Variants in UGGT1 observed in about 807,000 individuals in gnomAD.
UGGT1 encodes the protein UDP-glucose:glycoprotein glucosyltransferase 1.
UGGT1 carries 107 observed loss-of-function variants against 203.9 expected under a neutral mutation model. That is an observed-to-expected ratio of 0.52 (90% CI 0.45 to 0.62). The LOEUF (loss-of-function observed/expected upper bound fraction) is 0.62. Ranked by LOEUF, UGGT1 falls within the 20% of genes least tolerant of loss-of-function variation. The probability of loss-of-function intolerance (pLI) is 0.00; values close to 1 mark genes in which losing one functional copy is unlikely to be tolerated. For synonymous variants in UGGT1, 628 were observed against 653.5 expected (o/e 0.96, Z 0.59); for missense variants, 1,673 against 1,867.2 (o/e 0.90, Z 1.92).
At position 128,121,029 on chromosome 2, in the gene UGGT1, C is replaced by G. The variant is rs77385236; in HGVS notation, c.974-170C>G. Reference sequence around the variant, plus strand: ...CGGCTCAACTGAATACTCCAGAGATCTTTGAAGTGAATAAAACCTGAAATT... The same window carrying G: ...CGGCTCAACTGAATACTCCAGAGATGTTTGAAGTGAATAAAACCTGAAATT... On this transcript the variant is annotated intron_variant, in intron 9 of 40. Coordinates refer to ENST00000259253, the MANE Select transcript of UGGT1 (RefSeq NM_020120.4). Among the ~76,000 whole-genome samples, 513 of 152,294 alleles carry G rather than the reference C, an allele frequency of 3.4e-3. 10 individuals carry two copies. The East Asian group carries it at 0.075, about 22-fold the overall frequency.
intron 12 of UGGT1, 94 bp from the exon 13 acceptor site, chr2:128,128,935 A>C (rs1688744927): frequency 2.4e-6 from 3 of 1,240,414 alleles, no homozygotes; most frequent in Non-Finnish European, 3.3e-6. Flanking sequence ...TTGATTTGGC[A>C]TTGAGGTTGA....
intron 8 of UGGT1, among the ~76,000 whole-genome samples, chr2:128,118,284 G>A (rs971464258): frequency 1.3e-5 from 2 of 151,404 alleles, no homozygotes; most frequent in African/African-American, 2.4e-5. Flanking sequence ...AAATTTTTTC[G>A]AGACAGGGCT....
At chr2:128,129,620 A>G (rs1256331036) in intron 13 of UGGT1, among the ~76,000 whole-genome samples, 1 of 151,922 alleles carries the variant, frequency 6.6e-6, no homozygotes, top group Non-Finnish European at 1.5e-5. Flanking sequence ...GCTGGTCTCA[A>G]ACTCCTGACC....
intron 14 of UGGT1, 96 bp downstream of exon 14, chr2:128,133,356 A>G (rs1688975779): frequency 1.3e-6 from 2 of 1,486,540 alleles, no homozygotes; most frequent in Non-Finnish European, 1.8e-6. Context: ...CACCTTTACT[A>G]GCTGCTTCCT....
intron 14 of UGGT1, among the ~76,000 whole-genome samples, chr2:128,134,521 C>G (rs1351791576): frequency 6.6e-6 from 1 of 152,194 alleles, no homozygotes; most frequent in Non-Finnish European, 1.5e-5. Context: ...TAAGTGAATT[C>G]TTAATTCAGA....
In UGGT1 at chr2:128,190,982, GGCATACTTT is replaced by G. The variant is rs1485736247; in HGVS notation, c.*1243_*1251del. The G allele has an allele frequency of 1.3e-5, 2 of 152,240 alleles. No individual in the cohort carries two copies. The highest frequency in any genetic ancestry group is 2.9e-5 in the Non-Finnish European group (2 of 68,092). 9.4% of individuals were successfully genotyped at this position (152,240 alleles called of 1,614,324 possible). On this transcript the variant is annotated 3_prime_UTR_variant, in exon 41 of 41. Coordinates refer to ENST00000259253, the MANE Select transcript of UGGT1 (RefSeq NM_020120.4). ...TTCCACAGCCAGTGTTGCCCCTCAG[GGCATACTTT>G]GCTGGTGAACGGGCTGTAGAGTCTT...
chr2:128,111,366 C>T (rs1314588341), intron 5 of UGGT1, among the ~76,000 whole-genome samples: 1 of 151,986 alleles, frequency 6.6e-6, no homozygotes, highest in African/African-American at 2.4e-5. Flanking sequence ...AAAACAAAAA[C>T]AGAAACAAAA....
chr2:128,099,089 A>G (rs191243919), intron 2 of UGGT1, among the ~76,000 whole-genome samples: 19 of 152,332 alleles, frequency 1.2e-4, no homozygotes, highest in Admixed American at 1.2e-3. Context: ...GGACTGTCAC[A>G]TCACTCCAAT....
At chr2:128,131,023 A>G (rs920412016) in intron 13 of UGGT1, among the ~76,000 whole-genome samples, 1 of 151,424 alleles carries the variant, frequency 6.6e-6, no homozygotes, top group African/African-American at 2.4e-5. Context: ...ATTTGAGGTG[A>G]GGAGTTCGCG....
At chr2:128,173,748 A>G (rs1227036058) in intron 29 of UGGT1, 33 bp from the exon 30 acceptor site, 1 of 1,608,584 alleles carries the variant, frequency 6.2e-7, no homozygotes, top group South Asian at 1.1e-5. Flanking sequence ...GTTGTCTCTG[A>G]GTGCATTCAA....
chr2:128,186,350 T>A (rs1480618741), intron 38 of UGGT1, among the ~76,000 whole-genome samples: 1 of 152,214 alleles, frequency 6.6e-6, no homozygotes, highest in Admixed American at 6.5e-5. Flanking sequence ...CTCATGCCTA[T>A]AATCTCAGCA....
chr2:128,156,688 C>T (rs1690250488), intron 21 of UGGT1, among the ~76,000 whole-genome samples: 1 of 151,896 alleles, frequency 6.6e-6, no homozygotes, highest in Non-Finnish European at 1.5e-5. Flanking sequence ...CTGCCTCAGC[C>T]TTCCAAGTAG....
In UGGT1 at chr2:128,133,126, T is replaced by C. The variant is rs767724100; in HGVS notation, c.1378-15T>C. 6.2e-7 allele frequency: 1 copy of C among 1,613,564 alleles called. No homozygotes were observed. The highest frequency in any genetic ancestry group is 2.2e-5 in the East Asian group (1 of 44,856). ...TTCCTAATGTGCATGTATCCTGTTG[T>C]GTTATTTTTTGTAGTGGGTCAACAA... is the stretch of plus-strand genomic sequence containing the variant. On this transcript the variant is annotated splice_polypyrimidine_tract_variant and intron_variant, in intron 13 of 40. Coordinates refer to ENST00000259253, the MANE Select transcript of UGGT1 (RefSeq NM_020120.4).
chr2:128,137,450 C>G (rs1345917547), intron 15 of UGGT1, among the ~76,000 whole-genome samples: 1 of 152,208 alleles, frequency 6.6e-6, no homozygotes, highest in Non-Finnish European at 1.5e-5. Flanking sequence ...TTTTGTTTAC[C>G]TGTCCTTTAT....
intron 17 of UGGT1, among the ~76,000 whole-genome samples, chr2:128,144,079 A>G (rs947185805): frequency 2.6e-5 from 4 of 152,192 alleles, no homozygotes; most frequent in Non-Finnish European, 4.4e-5. Flanking sequence ...TGATAGGTAT[A>G]TATTTATATC....
Position 128,177,918 on chromosome 2 carries a change from A to T in UGGT1, c.3711A>T (p.Lys1237Asn). 2 of 1,596,994 alleles carry T rather than the reference A, an allele frequency of 1.3e-6. No homozygotes were observed. The highest frequency in any genetic ancestry group is 1.7e-6 in the Non-Finnish European group (2 of 1,172,394). ...ENESGFWDSF[K>N]WGFTGQKTEE... ...AATCTGGATTTTGGGATTCCTTCAA[A>T]TGGTAAGTTGACATTGTAAGAGTTA... The change falls in exon 33 of 41, where the codon AAA (lysine) becomes AAT (asparagine). Residue 1237 changes from lysine (K) to asparagine (N), a missense_variant and splice_region_variant. Coordinates refer to ENST00000259253, the MANE Select transcript of UGGT1 (RefSeq NM_020120.4).
intron 7 of UGGT1, 37 bp from the exon 8 acceptor site, chr2:128,116,228 C>T: frequency 7.4e-7 from 1 of 1,354,118 alleles, no homozygotes; most frequent in Non-Finnish European, 1.0e-6. Flanking sequence ...CAAATCTGAG[C>T]AATTATTAAT....
At chr2:128,098,510 C>T (rs950461052) in intron 2 of UGGT1, among the ~76,000 whole-genome samples, 1 of 152,180 alleles carries the variant, frequency 6.6e-6, no homozygotes, top group Non-Finnish European at 1.5e-5. Flanking sequence ...AATCCCAGCT[C>T]TTTGGGAGGC....
chr2:128,153,049 C>G (rs993459235), intron 19 of UGGT1, 145 bp downstream of exon 19: 7 of 1,133,602 alleles, frequency 6.2e-6, no homozygotes, highest in East Asian at 5.2e-5. Context: ...TGTGTAAACT[C>G]TTTGCACCTT....
Sources: gnomAD v4.1 joint callset for allele counts (sites outside exome capture counted in the v4.1 genomes callset) on GRCh38, gnomAD v4.1.1 for gene constraint, MANE v1.5 for transcripts, NCBI Gene and HGNC (gene_info 2026-07-23, HGNC 2026-07-21) for gene names.